Variants in LRP6 observed in about 807,000 individuals in gnomAD.
The protein encoded by LRP6 is low-density lipoprotein receptor-related protein 6.
A neutral mutation model predicts 184.1 loss-of-function variants in LRP6; 43 were observed. That is an observed-to-expected ratio of 0.23 (90% CI 0.18 to 0.30). The LOEUF (loss-of-function observed/expected upper bound fraction) is 0.30, where lower values mean the gene tolerates loss of function less well. Ranked by LOEUF, LRP6 falls within the 10% of genes least tolerant of loss-of-function variation. The pLI is 1.00. For synonymous variants in LRP6, 719 were observed against 684.9 expected (o/e 1.05, Z -0.78); for missense variants, 1,571 against 2,005.3 (o/e 0.78, Z 4.14).
Position 12,266,641 on chromosome 12 carries a change from C to T in LRP6, c.55+40G>A, listed in dbSNP as rs200634101. On this transcript the variant is annotated intron_variant, in intron 1 of 22. Coordinates refer to ENST00000261349, the MANE Select transcript of LRP6 (RefSeq NM_002336.3). The stretch of plus-strand genomic sequence containing the variant: ...ACACATACAACAAGGCCACCTCCCC[C>T]CGAACCCCACCAACTTTCCAGTGCC... The T allele has an allele frequency of 1.7e-3, 2,767 of 1,591,088 alleles. 6 individuals carry two copies. Among genetic ancestry groups the T allele is most frequent in the Non-Finnish European group, 2.0e-3 (2,277 of 1,164,156 alleles).
At chr12:12,186,658 CTTTTTTTTT>C (rs34355990) in intron 4 of LRP6, 4 of 289,224 alleles carry the variant, frequency 1.4e-5, no homozygotes, top group Non-Finnish European at 2.5e-5. Flanking sequence ...GGGATTTTAA[CTTTTTTTTT>C]TTTTTTTTTG....
At chr12:12,186,861 C>A in intron 4 of LRP6, 62 bp downstream of exon 4, 1 of 1,401,414 alleles carries the variant, frequency 7.1e-7, no homozygotes, top group Non-Finnish European at 1.0e-6. Flanking sequence ...CTCACTAAAG[C>A]CAGACATTAG....
chr12:12,257,385 G>A (rs1022903231), intron 1 of LRP6, among the ~76,000 whole-genome samples: 1 of 151,900 alleles, frequency 6.6e-6, no homozygotes, highest in Non-Finnish European at 1.5e-5. Flanking sequence ...AGACCATCCT[G>A]GCTAACACGG....
chr12:12,234,342 T>A (rs1864874933), intron 2 of LRP6, among the ~76,000 whole-genome samples: 1 of 151,734 alleles, frequency 6.6e-6, no homozygotes, highest in African/African-American at 2.4e-5. Context: ...CCCAGCTACT[T>A]GAGAGGCTGA....
At chr12:12,201,806 T>C (rs1478030427) in intron 3 of LRP6, among the ~76,000 whole-genome samples, 2 of 152,236 alleles carry the variant, frequency 1.3e-5, no homozygotes, top group Non-Finnish European at 1.5e-5. Context: ...CTTTTTGACA[T>C]TTAAATTTAC....
At chr12:12,263,475 C>T (rs190928985) in intron 1 of LRP6, among the ~76,000 whole-genome samples, 123 of 150,162 alleles carry the variant, frequency 8.2e-4, no homozygotes, top group African/African-American at 2.8e-3. Flanking sequence ...GGCGTGAACC[C>T]GGCAGGCAGA....
chr12:12,193,630 T>G (rs1260234016), intron 3 of LRP6, among the ~76,000 whole-genome samples: 1 of 152,004 alleles, frequency 6.6e-6, no homozygotes, highest in Admixed American at 6.6e-5. Flanking sequence ...TTAGACAAAT[T>G]TATGAAACAA....
chr12:12,225,115 G>A (rs949730893), intron 2 of LRP6, among the ~76,000 whole-genome samples: 6 of 152,134 alleles, frequency 3.9e-5, no homozygotes, highest in African/African-American at 1.4e-4. Flanking sequence ...TGAGGCAGGC[G>A]AATCGCTTGA....
chr12:12,189,839 A>G (rs529137234), intron 3 of LRP6, among the ~76,000 whole-genome samples: 17 of 152,058 alleles, frequency 1.1e-4, no homozygotes, highest in Admixed American at 7.9e-4. Context: ...TTTCATAGCC[A>G]TTCTTAATTT....
intron 3 of LRP6, among the ~76,000 whole-genome samples, chr12:12,197,723 T>C (rs1863802243): frequency 6.6e-6 from 1 of 152,222 alleles, no homozygotes; most frequent in Non-Finnish European, 1.5e-5. Context: ...ATATTAATTA[T>C]GACCACAACA....
intron 2 of LRP6, among the ~76,000 whole-genome samples, chr12:12,219,877 AAGG>A (rs1245036953): frequency 3.3e-5 from 5 of 152,154 alleles, no homozygotes; most frequent in African/African-American, 1.2e-4. Context: ...GAATCAACAA[AAGG>A]AGGAGGACGT....
intron 1 of LRP6, among the ~76,000 whole-genome samples, chr12:12,263,808 T>C (rs564704957): frequency 2.0e-5 from 3 of 151,950 alleles, no homozygotes; most frequent in South Asian, 4.2e-4. Flanking sequence ...CACTCCAGCC[T>C]AGGCAACAGA....
At chr12:12,222,723 A>G (rs2058582359) in intron 2 of LRP6, among the ~76,000 whole-genome samples, 4 of 152,182 alleles carry the variant, frequency 2.6e-5, no homozygotes. Flanking sequence ...AGTGTGGTCC[A>G]TGAACCAATC....
At chr12:12,146,987 C>T (rs1436596610) in intron 15 of LRP6, among the ~76,000 whole-genome samples, 1 of 152,096 alleles carries the variant, frequency 6.6e-6, no homozygotes, top group African/African-American at 2.4e-5. Context: ...CCTGTCTCTA[C>T]TAAAAATAGA....
chr12:12,150,968 G>A lies in LRP6; in HGVS notation c.2862C>T (p.Ser954=), dbSNP rs1591889350. 12 of 1,614,138 alleles carry A rather than the reference G, an allele frequency of 7.4e-6. No individual in the cohort carries two copies. The highest frequency in any genetic ancestry group is 1.0e-5 in the Non-Finnish European group (12 of 1,180,012). ...INRMVIDEQQ[S]PDIILPIHSL... Reference sequence around the variant, plus strand: ...TGTGGATGGGAAGGATGATGTCGGGGCTCTGTTGTTCATCAATCACCATGC... The same window carrying A: ...TGTGGATGGGAAGGATGATGTCGGGACTCTGTTGTTCATCAATCACCATGC... Residue 954 remains serine (S), a synonymous_variant, in exon 13 of 23, where the codon AGC becomes AGT. Coordinates refer to ENST00000261349, the MANE Select transcript of LRP6 (RefSeq NM_002336.3).
intron 1 of LRP6, among the ~76,000 whole-genome samples, chr12:12,263,850 A>T (rs1304431195): frequency 6.6e-6 from 1 of 151,890 alleles, no homozygotes; most frequent in African/African-American, 2.4e-5. Flanking sequence ...AAAAATAGGA[A>T]TTCGTGAACC....
rs1178636146 is a variant in LRP6, at chr12:12,266,928, C to T, written c.-193G>A. ...CGCCCTCTCTACCGCGCCGCTCGGC[C>T]CCGGGCTCGCGCGACGCCAGCGTCT... is the stretch of plus-strand genomic sequence containing the variant. On this transcript the variant is annotated 5_prime_UTR_variant, in exon 1 of 23. Transcript: ENST00000261349. 1 of 593,814 alleles carries T rather than the reference C, an allele frequency of 1.7e-6. No individual in the cohort carries two copies. Among genetic ancestry groups the T allele is most frequent in the East Asian group, 3.0e-5 (1 of 33,066 alleles). The allele number at this position is 593,814 out of a possible 1,614,324, so 36.8% of individuals were successfully genotyped here. A position where few individuals can be genotyped will look rare whatever the true frequency, so the allele number is the denominator to read the frequency against.
intron 20 of LRP6, among the ~76,000 whole-genome samples, chr12:12,126,319 C>T (rs1949670524): frequency 4.6e-5 from 7 of 152,112 alleles, no homozygotes; most frequent in Admixed American, 3.9e-4. Context: ...AATTTTTGGC[C>T]TCCTTTTATT....
At chr12:12,181,752 C>A (rs568360616) in intron 5 of LRP6, among the ~76,000 whole-genome samples, 1 of 151,990 alleles carries the variant, frequency 6.6e-6, no homozygotes, top group Non-Finnish European at 1.5e-5. Flanking sequence ...CTAAGTAGCT[C>A]AGTATTAAAG....
Sources: gnomAD v4.1 joint callset for allele counts (sites outside exome capture counted in the v4.1 genomes callset) on GRCh38, gnomAD v4.1.1 for gene constraint, MANE v1.5 for transcripts, NCBI Gene and HGNC (gene_info 2026-07-23, HGNC 2026-07-21) for gene names.